Variants in SNRNP48 observed in about 807,000 individuals in gnomAD.
SNRNP48 encodes small nuclear ribonucleoprotein U11/U12 subunit 48, also known as U11/U12 small nuclear ribonucleoprotein 48 kDa protein.
Under a neutral mutation model 47.0 loss-of-function variants are expected in SNRNP48, and 43 were observed. The ratio of observed to expected loss-of-function variants is 0.92; its 90% CI spans 0.72 to 1.18. The LOEUF (loss-of-function observed/expected upper bound fraction) is 1.18, where lower values mean the gene tolerates loss of function less well. SNRNP48 is among the 50% of genes most tolerant of loss of function. SNRNP48 has a pLI of 0.00. For synonymous variants in SNRNP48, 138 were observed against 144.0 expected (o/e 0.96, Z 0.30); for missense variants, 396 against 422.2 (o/e 0.94, Z 0.54).
chr6:7,598,550 A>G (rs1759950986), intron 4 of SNRNP48, among the ~76,000 whole-genome samples: 1 of 152,190 alleles, frequency 6.6e-6, no homozygotes, highest in Admixed American at 6.5e-5. Flanking sequence ...GCAATTTCTC[A>G]ACAGATTATT....
At chr6:7,607,576 A>G (rs1760150881) in intron 8 of SNRNP48, among the ~76,000 whole-genome samples, 1 of 152,098 alleles carries the variant, frequency 6.6e-6, no homozygotes, top group Admixed American at 6.6e-5. Flanking sequence ...TTTAAGACCC[A>G]TCTCAGCCAT....
rs562037385 is a variant in SNRNP48 at position 7,611,492 on chromosome 6, A to G, written c.*2619A>G. 1 of 152,314 alleles carries G rather than the reference A, an allele frequency of 6.6e-6. No individual in the cohort carries two copies. The highest frequency in any genetic ancestry group is 2.1e-4 in the South Asian group (1 of 4,830). 9.4% of individuals were successfully genotyped at this position (152,314 alleles called of 1,614,324 possible). A position where few individuals can be genotyped will look rare whatever the true frequency, so the allele number is the denominator to read the frequency against. On this transcript the variant is annotated 3_prime_UTR_variant, in exon 9 of 9. Coordinates refer to ENST00000342415, the MANE Select transcript of SNRNP48 (RefSeq NM_152551.4). ...TAGTCACTTTAATTGAGATATTGGC[A>G]AGTCAACTGCCATGCAGAGCCCAGG...
At chr6:7,606,699 C>A (rs1057269844) in intron 8 of SNRNP48, among the ~76,000 whole-genome samples, 1 of 152,138 alleles carries the variant, frequency 6.6e-6, no homozygotes, top group Non-Finnish European at 1.5e-5. Flanking sequence ...AAATGTAAAT[C>A]ATTTGAGGTC....
chr6:7,608,747 A>ACTGTTGAAAGTGGTGTATTC, intron 8 of SNRNP48, 78 bp from the exon 9 acceptor site: 2 of 778,704 alleles, frequency 2.6e-6, no homozygotes, highest in Non-Finnish European at 2.0e-6. Context: ...GTGGTGTATT[A>ACTGTTGAAAGTGGTGTATTC]CTGTTGAATT....
Position 7,605,387 on chromosome 6 carries a change from C to A in SNRNP48, c.718-11C>A. ...TTTCTTACCTGAAGTTCGGTGCTTA[C>A]CTCTCCCAAGGTGATTCGAGATGTG... On this transcript the variant is annotated splice_polypyrimidine_tract_variant and intron_variant, in intron 6 of 8. Transcript: ENST00000342415. 6.2e-7 allele frequency: 1 copy of A among 1,612,362 alleles called. No homozygotes were observed.
chr6:7,606,893 C>A (rs1187465729), intron 8 of SNRNP48, among the ~76,000 whole-genome samples: 1 of 152,228 alleles, frequency 6.6e-6, no homozygotes, highest in Non-Finnish European at 1.5e-5. Context: ...ATACTTCCTT[C>A]CACTCCTTAT....
chr6:7,605,892 GTTATAAGA>G lies in SNRNP48; in HGVS notation c.807-136_807-129del, dbSNP rs569380063. The G allele has an allele frequency of 4.4e-4, 417 of 954,896 alleles. No homozygotes were observed. The African/African-American group carries it at 6.0e-3, about 14-fold the overall frequency. The allele number at this position is 954,896 out of a possible 1,614,324, so 59.2% of individuals were successfully genotyped here. Reference sequence around the variant, plus strand: ...TGTGTTTATTTGTCCTTTTATATGGGTTATAAGATTGTGCATATTTAGACCATATCTAC... The same window carrying G: ...TGTGTTTATTTGTCCTTTTATATGGGTTGTGCATATTTAGACCATATCTAC... On this transcript the variant is annotated intron_variant, in intron 7 of 8. Transcript: ENST00000342415.
At chr6:7,595,699 G>T (rs1180156943) in intron 4 of SNRNP48, among the ~76,000 whole-genome samples, 1 of 152,200 alleles carries the variant, frequency 6.6e-6, no homozygotes, top group Non-Finnish European at 1.5e-5. Flanking sequence ...TAGGCTAAAA[G>T]AGATTAGTCT....
At chr6:7,604,713 GT>G (rs1760091334) in intron 6 of SNRNP48, among the ~76,000 whole-genome samples, 1 of 152,202 alleles carries the variant, frequency 6.6e-6, no homozygotes, top group Middle Eastern at 3.4e-3. Flanking sequence ...CCTGTGCTTG[GT>G]GGCATGGGTA....
In SNRNP48 at chr6:7,606,124, T is replaced by C; in HGVS notation, c.900T>C (p.Ser300=). Reference sequence around the variant, plus strand: ...GTTCACGACATAGAAGGGATAGGAGTAGAAGCCCACATAAAAGAAAAAGAA... The same window carrying C: ...GTTCACGACATAGAAGGGATAGGAGCAGAAGCCCACATAAAAGAAAAAGAA... ...AECSRHRRDR[S]RSPHKRKRNK... The change falls in exon 8 of 9, where the codon AGT becomes AGC. Residue 300 remains serine (S), a synonymous_variant. Coordinates refer to ENST00000342415, the MANE Select transcript of SNRNP48 (RefSeq NM_152551.4). 6 of 1,613,686 alleles carry C rather than the reference T, an allele frequency of 3.7e-6. No homozygotes were observed. The highest frequency in any genetic ancestry group is 5.1e-6 in the Non-Finnish European group (6 of 1,179,892).
chr6:7,593,906 C>G, intron 2 of SNRNP48, 59 bp downstream of exon 2: 1 of 1,313,292 alleles, frequency 7.6e-7, no homozygotes, highest in Non-Finnish European at 1.0e-6. Flanking sequence ...CACATTAATT[C>G]ACAATTTTTG....
intron 8 of SNRNP48, 43 bp downstream of exon 8, chr6:7,606,238 T>C (rs750737273): frequency 5.9e-6 from 9 of 1,537,460 alleles, no homozygotes; most frequent in Middle Eastern, 3.7e-4. Flanking sequence ...TTCTGTACTT[T>C]TTAAAAATAG....
At position 7,593,217 on chromosome 6, in the gene SNRNP48, G is replaced by C. The variant is rs148728399; in HGVS notation, c.157-517G>C. Among the ~76,000 whole-genome samples the C allele has an allele frequency of 7.3e-3, 1,103 of 152,074 alleles. 7 individuals carry two copies. Among genetic ancestry groups the C allele is most frequent in the Non-Finnish European group, 9.9e-3 (671 of 67,990 alleles). On this transcript the variant is annotated intron_variant, in intron 1 of 8. Transcript: ENST00000342415. Reference sequence around the variant, plus strand: ...ACATGAAAACCAACATCTAAAGGGGGACAAATAGAGCAAGGAAGACAGATA... The same window carrying C: ...ACATGAAAACCAACATCTAAAGGGGCACAAATAGAGCAAGGAAGACAGATA...
intron 8 of SNRNP48, 73 bp downstream of exon 8, chr6:7,606,268 G>T: frequency 7.2e-7 from 1 of 1,381,494 alleles, no homozygotes; most frequent in South Asian, 1.5e-5. Context: ...TTCTGTTGTA[G>T]ACCATGCTGA....
chr6:7,607,641 T>G (rs527285399), intron 8 of SNRNP48, among the ~76,000 whole-genome samples: 1 of 152,334 alleles, frequency 6.6e-6, no homozygotes, highest in Non-Finnish European at 1.5e-5. Context: ...TTTTCCATTT[T>G]GTTGCCACCC....
intron 4 of SNRNP48, chr6:7,599,757 T>C: frequency 6.3e-6 from 8 of 1,274,072 alleles, no homozygotes; most frequent in Non-Finnish European, 8.2e-6. Context: ...GCAAATGATA[T>C]CCTTTTAAAA....
chr6:7,607,277 C>A (rs1468019131), intron 8 of SNRNP48, among the ~76,000 whole-genome samples: 1 of 152,150 alleles, frequency 6.6e-6, no homozygotes. Flanking sequence ...GTGTTCTCAC[C>A]CCTGCACTCC....
chr6:7,606,176 T>C lies in SNRNP48; in HGVS notation c.952T>C (p.Ser318Pro). 1 of 1,610,802 alleles carries C rather than the reference T, an allele frequency of 6.2e-7. No homozygotes were observed. Among genetic ancestry groups the C allele is most frequent in the Non-Finnish European group, 8.5e-7 (1 of 1,178,952 alleles). ...CAAAGATAAGGATAAAAACTGTGAG[T>C]CGAGAAGAAGGAAAGAGAGGTGGGT... is the stretch of plus-strand genomic sequence containing the variant. Reference protein sequence around the residue: ...RNKDKDKNCESRRRKERDGER... With the variant: ...RNKDKDKNCEPRRRKERDGER... Residue 318 changes from serine (S) to proline (P), a missense_variant, in exon 8 of 9, where the codon TCG becomes CCG. Transcript: ENST00000342415.
At position 7,594,171 on chromosome 6, in the gene SNRNP48, GTTA is replaced by G; in HGVS notation, c.331+17_331+19del. The G allele has an allele frequency of 8.2e-7, 1 of 1,220,406 alleles. No homozygotes were observed. The highest frequency in any genetic ancestry group is 1.1e-6 in the Non-Finnish European group (1 of 887,714). 75.6% of individuals were successfully genotyped at this position (1,220,406 alleles called of 1,614,324 possible). A position where few individuals can be genotyped will look rare whatever the true frequency, so the allele number is the denominator to read the frequency against. On this transcript the variant is annotated intron_variant, in intron 3 of 8. Transcript: ENST00000342415. The stretch of plus-strand genomic sequence containing the variant: ...TTCGATTACTTTGAGTAAGTATTAA[GTTA>G]TTATAATTTAAAAATATCTTAGTGT...
Sources: gnomAD v4.1 joint callset for allele counts (sites outside exome capture counted in the v4.1 genomes callset) on GRCh38, gnomAD v4.1.1 for gene constraint, MANE v1.5 for transcripts, NCBI Gene and HGNC (gene_info 2026-07-23, HGNC 2026-07-21) for gene names.